PXDN: variants seen among roughly 807,000 people sequenced by gnomAD.
PXDN encodes the protein peroxidasin.
Under a neutral mutation model 140.3 loss-of-function variants are expected in PXDN, and 77 were observed. The observed-to-expected ratio is 0.55, with a 90% confidence interval of 0.46 to 0.66. The LOEUF (loss-of-function observed/expected upper bound fraction) is 0.66. Among genes scored for constraint, PXDN ranks in the 30% least tolerant of loss-of-function variants. The probability of loss-of-function intolerance (pLI) is 0.00; values close to 1 mark genes in which losing one functional copy is unlikely to be tolerated. For missense variants in PXDN, 1,838 were observed against 2,039.5 expected (o/e 0.90, Z 1.90); for synonymous variants, 911 against 857.4 (o/e 1.06, Z -1.09).
At chr2:1,665,483 T>A (rs1166558604) in intron 10 of PXDN, among the ~76,000 whole-genome samples, 1 of 152,244 alleles carries the variant, frequency 6.6e-6, no homozygotes, top group Admixed American at 6.5e-5. Context: ...TATCACTGGA[T>A]GAAAAACATA....
chr2:1,737,634 G>A (rs1225590530), intron 1 of PXDN, among the ~76,000 whole-genome samples: 1 of 151,906 alleles, frequency 6.6e-6, no homozygotes, highest in Non-Finnish European at 1.5e-5. Flanking sequence ...CTGCCTCCCA[G>A]GTTCAAGCGA....
chr2:1,738,003 C>A (rs10207411), intron 1 of PXDN, among the ~76,000 whole-genome samples: 99,009 of 152,034 alleles, frequency 0.65, 33,128 homozygotes, highest in East Asian at 0.92. Flanking sequence ...GGTGGTCTGG[C>A]AGCAGGCAGA....
intron 7 of PXDN, among the ~76,000 whole-genome samples, chr2:1,679,377 ATG>A (rs1683812440): frequency 1.7e-5 from 2 of 117,514 alleles, no homozygotes; most frequent in African/African-American, 3.3e-5. Flanking sequence ...TTGTGTCTGC[ATG>A]TGTGTCTATA....
intron 3 of PXDN, among the ~76,000 whole-genome samples, chr2:1,689,362 C>T (rs185536820): frequency 3.3e-5 from 5 of 152,278 alleles, no homozygotes; most frequent in Admixed American, 3.3e-4. Context: ...ATGAGAACAT[C>T]GCTTTAGACC....
chr2:1,649,632 G>T lies in PXDN; in HGVS notation c.2148C>A (p.Leu716=), dbSNP rs765758459. 6.2e-7 allele frequency: 1 copy of T among 1,614,012 alleles called. No homozygotes were observed. The highest frequency in any genetic ancestry group is 8.5e-7 in the Non-Finnish European group (1 of 1,179,888). Residue 716 remains leucine (L), a synonymous_variant, in exon 17 of 23, where the codon CTC becomes CTA. Coordinates refer to ENST00000252804, the MANE Select transcript of PXDN (RefSeq NM_012293.3). This position sits in a 1 kb window ranked among gnomAD's most constrained non-coding sequence, Gnocchi z 7.1. ...NDLVSPQYLN[L]IANLSGCTAH... The stretch of plus-strand genomic sequence containing the variant: ...CGGTACAGCCCGACAGGTTTGCGAT[G>T]AGGTTCAGGTACTGTGGAGACACCA...
intron 8 of PXDN, 97 bp from the exon 9 acceptor site, chr2:1,673,909 C>T (rs1683636812): frequency 7.3e-7 from 1 of 1,365,022 alleles, no homozygotes; most frequent in East Asian, 2.3e-5. Context: ...GCAGCAGGCA[C>T]AACTTGTGCG....
intron 21 of PXDN, chr2:1,635,851 T>C: frequency 2.7e-6 from 1 of 367,778 alleles, no homozygotes. Context: ...CGAACGATGA[T>C]CACTCAGAAT....
Position 1,654,363 on chromosome 2 carries a change from T to C in PXDN, c.1946+37A>G, listed in dbSNP as rs747324961. The C allele has an allele frequency of 1.0e-5, 15 of 1,453,984 alleles. 1 individual carries two copies. The South Asian group carries it at 1.7e-4, about 17-fold the overall frequency. The allele number at this position is 1,453,984 out of a possible 1,614,324, so 90.1% of individuals were successfully genotyped here. Reference sequence around the variant, plus strand: ...CTCCCACCTTCACCCTAAAGCTCAGTGATTTGAGGGTCAGCGTGTTTACAG... The same window carrying C: ...CTCCCACCTTCACCCTAAAGCTCAGCGATTTGAGGGTCAGCGTGTTTACAG... On this transcript the variant is annotated intron_variant, in intron 15 of 22. Transcript: ENST00000252804.
chr2:1,711,583 A>ACTCCACCAGCACCCACT (rs149332837), intron 1 of PXDN, among the ~76,000 whole-genome samples: 1 of 66,664 alleles, frequency 1.5e-5, no homozygotes, highest in Non-Finnish European at 3.4e-5. Flanking sequence ...ACCAGCACCC[A>ACTCCACCAGCACCCACT]CTCCACCAGC....
At chr2:1,690,244 C>T (rs1441317608) in intron 3 of PXDN, among the ~76,000 whole-genome samples, 3 of 152,182 alleles carry the variant, frequency 2.0e-5, no homozygotes, top group African/African-American at 4.8e-5. Flanking sequence ...TCATGACCCA[C>T]GGCCCCTTCA....
intron 1 of PXDN, among the ~76,000 whole-genome samples, chr2:1,717,630 C>T (rs1273988651): frequency 6.6e-6 from 1 of 152,042 alleles, no homozygotes; most frequent in East Asian, 1.9e-4. Context: ...GACAGAATCA[C>T]AAAATAGCTG....
chr2:1,712,711 T>A lies in PXDN; in HGVS notation c.201-19577A>T, dbSNP rs533120672. On this transcript the variant is annotated intron_variant, in intron 1 of 22. Transcript: ENST00000252804. The stretch of plus-strand genomic sequence containing the variant: ...GGATGAGACTTGGGCAGGGAAACCG[T>A]TATTCTTAGTTTTAGATTTCTTTTT... Among the ~76,000 whole-genome samples the A allele has an allele frequency of 4.2e-3, 642 of 152,172 alleles. 4 individuals carry two copies. The highest frequency in any genetic ancestry group is 0.015 in the African/African-American group (623 of 41,508).
At chr2:1,713,715 C>T (rs1265936066) in intron 1 of PXDN, among the ~76,000 whole-genome samples, 2 of 152,226 alleles carry the variant, frequency 1.3e-5, no homozygotes, top group Non-Finnish European at 2.9e-5. Flanking sequence ...GCCTCCGGAG[C>T]ATGGGGGCAC....
At chr2:1,647,323 G>A (rs1184103304) in intron 17 of PXDN, among the ~76,000 whole-genome samples, 1 of 152,186 alleles carries the variant, frequency 6.6e-6, no homozygotes, top group African/African-American at 2.4e-5. Flanking sequence ...TCCACTTTGG[G>A]GAATTCTGAG....
At chr2:1,740,748 G>A (rs1685524653) in intron 1 of PXDN, among the ~76,000 whole-genome samples, 1 of 152,334 alleles carries the variant, frequency 6.6e-6, no homozygotes, top group African/African-American at 2.4e-5. Flanking sequence ...GCAAGATTCC[G>A]GTCTCGTTTT....
chr2:1,725,486 C>G (rs540227202), intron 1 of PXDN, among the ~76,000 whole-genome samples: 1 of 151,692 alleles, frequency 6.6e-6, no homozygotes, highest in African/African-American at 2.4e-5. Context: ...AGAAGAAAAC[C>G]TAGGCATTAC....
intron 1 of PXDN, among the ~76,000 whole-genome samples, chr2:1,711,457 TCTCCACCAGCACCCG>T (rs1349312988): frequency 0.15 from 11,973 of 81,912 alleles, 1,502 homozygotes; most frequent in East Asian, 0.17. Flanking sequence ...CAGCACCCAC[TCTCCACCAGCACCCG>T]CTCCACCAGC....
At chr2:1,737,271 T>C (rs2125495101) in intron 1 of PXDN, among the ~76,000 whole-genome samples, 1 of 152,038 alleles carries the variant, frequency 6.6e-6, no homozygotes, top group Middle Eastern at 3.4e-3. Context: ...GTGTCTCCCA[T>C]CCTCTTAGCT....
rs1378988079 is a variant in PXDN, at chr2:1,673,629, T to C, written c.1018+14A>G. 1.9e-6 allele frequency: 3 copies of C among 1,596,984 alleles called. No homozygotes were observed. The highest frequency in any genetic ancestry group is 1.1e-5 in the South Asian group (1 of 89,514). On this transcript the variant is annotated intron_variant, in intron 9 of 22. Transcript: ENST00000252804. ...TTCTGGATGGAACCCCGGTGTGAAA[T>C]GCCCGCCACATACCTGGAGACCCGA...
Sources: allele counts gnomAD v4.1 joint callset (sites outside exome capture counted in the v4.1 genomes callset), GRCh38; gene constraint gnomAD v4.1.1; non-coding constraint Gnocchi (gnomAD v3.1); transcripts MANE v1.5; gene names NCBI Gene and HGNC (gene_info 2026-07-23, HGNC 2026-07-21).